Variants in ZNF235 observed in about 807,000 individuals in gnomAD.
ZNF235 encodes the protein zinc finger protein 235.
A neutral mutation model predicts 29.4 loss-of-function variants in ZNF235; 25 were observed. The ratio of observed to expected loss-of-function variants is 0.85; its 90% CI spans 0.62 to 1.19. The LOEUF (loss-of-function observed/expected upper bound fraction) is 1.19. ZNF235 is among the 50% of genes most tolerant of loss of function. The pLI is 0.00. For synonymous variants in ZNF235, 300 were observed against 295.3 expected (o/e 1.02, Z -0.16); for missense variants, 788 against 885.0 (o/e 0.89, Z 1.39).
chr19:44,299,115 C>G (rs1193293750), intron 3 of ZNF235, among the ~76,000 whole-genome samples: 3 of 152,084 alleles, frequency 2.0e-5, no homozygotes, highest in Non-Finnish European at 4.4e-5. Flanking sequence ...GTTAAAGGAC[C>G]TATTTCTAAT....
At position 44,302,639 on chromosome 19, in the gene ZNF235, C is replaced by T. The variant is rs112162438; in HGVS notation, c.15+751G>A. On this transcript the variant is annotated intron_variant, in intron 2 of 4. Transcript: ENST00000291182. ...TTGTGCTGGTGTGTGCCCGTGGTCC[C>T]ACCTGCTCAAGAGGCTAAGGTGGGA... 2.0e-3 allele frequency among the ~76,000 whole-genome samples: 298 copies of T among 151,372 alleles called. 1 individual carries two copies. Among genetic ancestry groups the T allele is most frequent in the African/African-American group, 6.9e-3 (286 of 41,328 alleles).
chr19:44,289,201 A>ATC lies in ZNF235; in HGVS notation c.239-6_239-5insGA. On this transcript the variant is annotated splice_region_variant and splice_polypyrimidine_tract_variant and intron_variant, in intron 4 of 4. Coordinates refer to ENST00000291182, the MANE Select transcript of ZNF235 (RefSeq NM_004234.4). ...TCTCATTTTGATTCCTGTCTCCTGA[A>ATC]AGGATAGAGAGAATAAGGAATAAAG... 6.2e-7 allele frequency: 1 copy of ATC among 1,605,912 alleles called. No individual in the cohort carries two copies. The highest frequency in any genetic ancestry group is 1.7e-5 in the Admixed American group (1 of 59,264).
chr19:44,301,717 T>G (rs1265465773), intron 2 of ZNF235, among the ~76,000 whole-genome samples: 1 of 152,072 alleles, frequency 6.6e-6, no homozygotes, highest in East Asian at 1.9e-4. Context: ...GTGATCCACC[T>G]CAGCCCCAAA....
chr19:44,288,055 T>C lies in ZNF235; in HGVS notation c.1380A>G (p.Lys460=). The C allele has an allele frequency of 6.2e-7, 1 of 1,613,896 alleles. No individual in the cohort carries two copies. The highest frequency in any genetic ancestry group is 1.3e-5 in the African/African-American group (1 of 74,948). ...QRVHTEEKPY[K]CDECGKCFSL... ...TAAAGCACTTACCACACTCATCACA[T>C]TTGTATGGTTTTTCTTCAGTGTGGA... The change falls in exon 5 of 5, where the codon AAA becomes AAG. Residue 460 remains lysine (K), a synonymous_variant. Coordinates refer to ENST00000291182, the MANE Select transcript of ZNF235 (RefSeq NM_004234.4).
rs1975501019 is a variant in ZNF235 at position 44,287,334 on chromosome 19, G to A, written c.2101C>T (p.His701Tyr). The A allele has an allele frequency of 1.2e-6, 2 of 1,614,128 alleles. No homozygotes were observed. Among genetic ancestry groups the A allele is most frequent in the Non-Finnish European group, 1.7e-6 (2 of 1,180,012 alleles). ...GFSQASHFHTHQRVHTGERPY... is the reference protein window; with the variant it reads ...GFSQASHFHTYQRVHTGERPY... The stretch of plus-strand genomic sequence containing the variant: ...CTCTCTCCAGTGTGGACTCTCTGGT[G>A]TGTGTGAAAATGTGAGGCCTGACTG... The change falls in exon 5 of 5, where the codon CAC becomes TAC. Residue 701 changes from histidine (H) to tyrosine (Y), a missense_variant. Transcript: ENST00000291182.
intron 4 of ZNF235, among the ~76,000 whole-genome samples, chr19:44,295,829 T>C (rs754588981): frequency 9.9e-5 from 15 of 152,052 alleles, no homozygotes; most frequent in Non-Finnish European, 1.2e-4. Context: ...GAAAAAAACA[T>C]ACACTGGGGA....
chr19:44,295,913 TA>T (rs1245354959), intron 4 of ZNF235, among the ~76,000 whole-genome samples: 5 of 152,184 alleles, frequency 3.3e-5, no homozygotes. Context: ...CAGAGATCCA[TA>T]ACAGATTCTA....
Position 44,287,392 on chromosome 19 carries a change from T to C in ZNF235, c.2043A>G (p.Lys681=), listed in dbSNP as rs1975502486. Residue 681 remains lysine, a synonymous_variant, in exon 5 of 5, where the codon AAA becomes AAG. Transcript: ENST00000291182. ...SAHQRVHTGE[K]PYTCQQCGKG... is the part of the protein sequence containing the mutation. ...TCCCACACTGCTGACACGTATAGGG[T>C]TTCTCTCCTGTGTGGACCCTCTGAT... 6.2e-7 allele frequency: 1 copy of C among 1,613,402 alleles called. No homozygotes were observed. Among genetic ancestry groups the C allele is most frequent in the Non-Finnish European group, 8.5e-7 (1 of 1,179,908 alleles).
In ZNF235 at chr19:44,303,013, T is replaced by A. The variant is rs990936357; in HGVS notation, c.15+377A>T. 3.6e-5 allele frequency among the ~76,000 whole-genome samples: 5 copies of A among 137,534 alleles called. No individual in the cohort carries two copies. In the East Asian group the frequency reaches 8.0e-4, roughly 22 times the overall value. 90.2% of individuals were successfully genotyped at this position (137,534 alleles called of 152,430 possible). On this transcript the variant is annotated intron_variant, in intron 2 of 4. Transcript: ENST00000291182. The stretch of plus-strand genomic sequence containing the variant: ...ATAAATATATACATATATACGTATA[T>A]ATTTATATAAAATATACGTATATAT...
At chr19:44,293,882 T>C (rs1265577413) in intron 4 of ZNF235, among the ~76,000 whole-genome samples, 2 of 150,508 alleles carry the variant, frequency 1.3e-5, no homozygotes, top group South Asian at 2.1e-4. Context: ...AAATACAATA[T>C]ACCAAAACCT....
chr19:44,287,152 G>T lies in ZNF235; in HGVS notation c.*66C>A. 2 of 1,471,200 alleles carry T rather than the reference G, an allele frequency of 1.4e-6. No homozygotes were observed. The highest frequency in any genetic ancestry group is 1.8e-6 in the Non-Finnish European group (2 of 1,099,220). The allele number at this position is 1,471,200 out of a possible 1,614,324, so 91.1% of individuals were successfully genotyped here. A position where few individuals can be genotyped will look rare whatever the true frequency, so the allele number is the denominator to read the frequency against. On this transcript the variant is annotated 3_prime_UTR_variant, in exon 5 of 5. Coordinates refer to ENST00000291182, the MANE Select transcript of ZNF235 (RefSeq NM_004234.4). ...TTAAAGGAACTTTTCACAATCATCA[G>T]CATGGACTTCCCAACGGAGACAAAG...
chr19:44,292,789 C>T (rs1323044329), intron 4 of ZNF235, among the ~76,000 whole-genome samples: 1 of 152,002 alleles, frequency 6.6e-6, no homozygotes, highest in Non-Finnish European at 1.5e-5. Flanking sequence ...CCACAGCATA[C>T]AGTCATCAGA....
chr19:44,304,708 T>G (rs943516043), intron 1 of ZNF235: 9 of 985,248 alleles, frequency 9.1e-6, no homozygotes, highest in African/African-American at 3.5e-5. Context: ...TGCCCAATAT[T>G]TTACTGCGAG....
At chr19:44,303,872 A>C (rs1451557159) in intron 1 of ZNF235, among the ~76,000 whole-genome samples, 1 of 152,214 alleles carries the variant, frequency 6.6e-6, no homozygotes, top group Non-Finnish European at 1.5e-5. Context: ...GGGGACAATA[A>C]TAATGCCTGT....
At chr19:44,301,884 T>C (rs548013332) in intron 2 of ZNF235, among the ~76,000 whole-genome samples, 1 of 152,348 alleles carries the variant, frequency 6.6e-6, no homozygotes, top group Non-Finnish European at 1.5e-5. Context: ...ATGTTTAAAA[T>C]ACAGATAAGG....
intron 2 of ZNF235, among the ~76,000 whole-genome samples, chr19:44,300,211 G>A (rs1391258061): frequency 6.6e-6 from 1 of 152,124 alleles, no homozygotes; most frequent in African/African-American, 2.4e-5. Flanking sequence ...CTAGTTTTGT[G>A]ACGCTGGTCA....
intron 2 of ZNF235, among the ~76,000 whole-genome samples, chr19:44,303,002 A>T (rs1975771073): frequency 7.4e-6 from 1 of 135,718 alleles, no homozygotes; most frequent in African/African-American, 2.9e-5. Context: ...ATATATACAT[A>T]TATACGTATA....
intron 2 of ZNF235, among the ~76,000 whole-genome samples, chr19:44,300,998 C>A (rs916142047): frequency 3.3e-5 from 5 of 151,910 alleles, no homozygotes; most frequent in Non-Finnish European, 7.4e-5. Flanking sequence ...CTGGCCAAAA[C>A]TGGACATTTT....
In ZNF235 at chr19:44,301,205, T is replaced by G. The variant is rs148844369; in HGVS notation, c.16-1473A>C. 6.0e-4 allele frequency among the ~76,000 whole-genome samples: 91 copies of G among 152,336 alleles called. 2 individuals are homozygous for G. In the East Asian group the frequency reaches 0.015, roughly 25 times the overall value. ...AAATTCCTACCCCGCACCTGTTTCC[T>G]ACTTGTCTCATAAAGTTTGTATATG... On this transcript the variant is annotated intron_variant, in intron 2 of 4. Coordinates refer to ENST00000291182, the MANE Select transcript of ZNF235 (RefSeq NM_004234.4).
Sources: gnomAD v4.1 joint callset for allele counts (sites outside exome capture counted in the v4.1 genomes callset) on GRCh38, gnomAD v4.1.1 for gene constraint, MANE v1.5 for transcripts, NCBI Gene and HGNC (gene_info 2026-07-23, HGNC 2026-07-21) for gene names.